Variants in SLC25A12 observed in about 807,000 individuals in gnomAD.
The protein encoded by SLC25A12 is electrogenic aspartate/glutamate antiporter SLC25A12, mitochondrial.
Under a neutral mutation model 83.3 loss-of-function variants are expected in SLC25A12, and 32 were observed. The ratio of observed to expected loss-of-function variants is 0.38; its 90% CI spans 0.29 to 0.52. SLC25A12 has a LOEUF of 0.52. Ranked by LOEUF, SLC25A12 falls within the 20% of genes least tolerant of loss-of-function variation. The pLI is 0.84. For missense variants in SLC25A12, 611 were observed against 835.6 expected, an observed-to-expected ratio of 0.73 and a Z score of 3.31; for synonymous variants, 267 against 291.1, an observed-to-expected ratio of 0.92 and a Z score of 0.84.
rs142672121 is a variant in SLC25A12 at position 171,836,402 on chromosome 2, C to G, written c.612+719G>C. Among the ~76,000 whole-genome samples the G allele has an allele frequency of 3.6e-4, 55 of 152,300 alleles. No individual in the cohort carries two copies. The East Asian group carries it at 8.9e-3, about 25-fold the overall frequency. On this transcript the variant is annotated intron_variant, in intron 6 of 17. Coordinates refer to ENST00000422440, the MANE Select transcript of SLC25A12 (RefSeq NM_003705.5). ...CGGGTAAGTGAGGAAAGTTTCACCA[C>G]TCTATGTGAGGAAGTGGATGACATG...
chr2:171,817,144 T>C (rs1273413825), intron 9 of SLC25A12, among the ~76,000 whole-genome samples: 9 of 152,164 alleles, frequency 5.9e-5, no homozygotes, highest in Non-Finnish European at 8.8e-5. Flanking sequence ...ATCTTGTACT[T>C]TCTAGCCTCT....
chr2:171,876,681 CCA>C (rs1276768068), intron 2 of SLC25A12, among the ~76,000 whole-genome samples: 6 of 151,864 alleles, frequency 4.0e-5, no homozygotes, highest in African/African-American at 1.2e-4. Context: ...GGTTGCCCCC[CCA>C]CACACACATA....
intron 13 of SLC25A12, among the ~76,000 whole-genome samples, chr2:171,798,764 C>A (rs2105845359): frequency 6.6e-6 from 1 of 152,276 alleles, no homozygotes; most frequent in Non-Finnish European, 1.5e-5. Context: ...ATGCAATGTG[C>A]TCATTGCTGA....
chr2:171,805,526 A>G (rs1683807607), intron 13 of SLC25A12, among the ~76,000 whole-genome samples: 1 of 152,248 alleles, frequency 6.6e-6, no homozygotes, highest in Non-Finnish European at 1.5e-5. Context: ...GGATTTGGAG[A>G]TAGAAGTGGT....
At chr2:171,863,904 CAA>C (rs1685224498) in intron 3 of SLC25A12, among the ~76,000 whole-genome samples, 1 of 152,152 alleles carries the variant, frequency 6.6e-6, no homozygotes, top group South Asian at 2.1e-4. Context: ...AAAAGGTATA[CAA>C]GTTTCCCAAT....
intron 17 of SLC25A12, among the ~76,000 whole-genome samples, chr2:171,786,768 ATC>A (rs1394570813): frequency 6.6e-6 from 1 of 152,194 alleles, no homozygotes; most frequent in Non-Finnish European, 1.5e-5. Flanking sequence ...TAGTGATTAT[ATC>A]CATGGGCAAA....
intron 3 of SLC25A12, among the ~76,000 whole-genome samples, chr2:171,860,365 G>A (rs1328098646): frequency 1.3e-5 from 2 of 151,708 alleles, no homozygotes; most frequent in African/African-American, 4.8e-5. Flanking sequence ...TGGATCACTT[G>A]AGGTCAGTGG....
intron 4 of SLC25A12, chr2:171,848,088 C>T: frequency 2.2e-6 from 1 of 444,594 alleles, no homozygotes; most frequent in Non-Finnish European, 4.7e-6. Flanking sequence ...ACTGTGTCTC[C>T]CCATCTCATC....
At chr2:171,815,079 C>T in intron 10 of SLC25A12, 42 bp downstream of exon 10, 1 of 1,499,522 alleles carries the variant, frequency 6.7e-7, no homozygotes, top group East Asian at 2.3e-5. Context: ...GATAATATTA[C>T]ATTAACACAA....
chr2:171,882,456 T>C (rs1001389359), intron 2 of SLC25A12, among the ~76,000 whole-genome samples: 6 of 152,204 alleles, frequency 3.9e-5, no homozygotes, highest in African/African-American at 1.4e-4. Flanking sequence ...GCTGAATGGG[T>C]AGGATTTTAA....
At chr2:171,824,475 A>G (rs1684257684) in intron 9 of SLC25A12, among the ~76,000 whole-genome samples, 1 of 152,244 alleles carries the variant, frequency 6.6e-6, no homozygotes, top group Non-Finnish European at 1.5e-5. Flanking sequence ...AATAAGCTAA[A>G]TGAAATATTC....
At position 171,845,710 on chromosome 2, in the gene SLC25A12, T is replaced by A. The variant is rs191954887; in HGVS notation, c.326-1202A>T. The A allele has an allele frequency of 2.4e-5, 9 of 376,596 alleles. No individual in the cohort carries two copies. In the Admixed American group the frequency reaches 2.7e-4, roughly 11 times the overall value. 23.3% of individuals were successfully genotyped at this position (376,596 alleles called of 1,614,324 possible). On this transcript the variant is annotated intron_variant, in intron 4 of 17. Coordinates refer to ENST00000422440, the MANE Select transcript of SLC25A12 (RefSeq NM_003705.5). ...CTGGGATAGGGGAATGTAAGAATTC[T>A]GAACTGGACGTTCTACCAGTCTAGA...
intron 17 of SLC25A12, among the ~76,000 whole-genome samples, chr2:171,787,132 T>C (rs1690503246): frequency 6.6e-6 from 1 of 152,168 alleles, no homozygotes; most frequent in African/African-American, 2.4e-5. Context: ...GAGACCAGCC[T>C]GGGCAACACA....
At chr2:171,796,256 T>C (rs1196396180) in intron 13 of SLC25A12, among the ~76,000 whole-genome samples, 1 of 152,240 alleles carries the variant, frequency 6.6e-6, no homozygotes, top group Non-Finnish European at 1.5e-5. Context: ...TGGGACTACA[T>C]TTTAAAAATA....
intron 2 of SLC25A12, 49 bp from the exon 3 acceptor site, chr2:171,868,872 T>G: frequency 6.9e-7 from 1 of 1,450,576 alleles, no homozygotes. Context: ...CCAATATCAT[T>G]TTATATCCAA....
intron 13 of SLC25A12, 141 bp from the exon 14 acceptor site, chr2:171,793,908 C>T: frequency 1.1e-6 from 1 of 934,794 alleles, no homozygotes; most frequent in East Asian, 2.6e-5. Flanking sequence ...GGGGGAATGA[C>T]AGTTTGACAC....
chr2:171,817,294 G>A (rs557793142), intron 9 of SLC25A12, among the ~76,000 whole-genome samples: 2 of 152,088 alleles, frequency 1.3e-5, no homozygotes, highest in South Asian at 4.2e-4. Flanking sequence ...ATTGGCATAC[G>A]TTTTTAACTT....
chr2:171,892,907 T>A (rs1685974096), intron 2 of SLC25A12, among the ~76,000 whole-genome samples: 1 of 152,138 alleles, frequency 6.6e-6, no homozygotes. Flanking sequence ...AGAATGCCAA[T>A]ACATTTTGAA....
intron 8 of SLC25A12, among the ~76,000 whole-genome samples, chr2:171,830,439 C>T (rs1388510626): frequency 1.3e-5 from 2 of 152,056 alleles, no homozygotes; most frequent in African/African-American, 2.4e-5. Flanking sequence ...TCTCAATATA[C>T]TCTCTCAATG....
Sources: allele counts gnomAD v4.1 joint callset (sites outside exome capture counted in the v4.1 genomes callset), GRCh38; gene constraint gnomAD v4.1.1; transcripts MANE v1.5; gene names NCBI Gene and HGNC (gene_info 2026-07-23, HGNC 2026-07-21).